The following LARGE1 variants were observed in gnomAD, a reference collection of about 807,000 sequenced individuals.
LARGE1 encodes the protein xylosyl- and glucuronyltransferase LARGE1.
A neutral mutation model predicts 87.6 loss-of-function variants in LARGE1; 43 were observed. The ratio of observed to expected loss-of-function variants is 0.49; its 90% CI spans 0.38 to 0.63. The LOEUF is 0.63. Ranked by LOEUF, LARGE1 falls within the 30% of genes least tolerant of loss-of-function variation. The pLI is 0.00. For missense variants in LARGE1, 802 were observed against 1,000.2 expected, an observed-to-expected ratio of 0.80 and a Z score of 2.67; for synonymous variants, 434 against 394.6, an observed-to-expected ratio of 1.10 and a Z score of -1.18.
At chr22:33,150,337 C>T in the LARGE1 span, among the ~76,000 whole-genome samples, 1 of 152,048 alleles carries the variant, frequency 6.6e-6, no homozygotes, top group Non-Finnish European at 1.5e-5. Context: ...CAGCTGCAAG[C>T]CCCCGATTAA....
At chr22:33,690,725 C>T (rs1189113471) in intron 2 of LARGE1, among the ~76,000 whole-genome samples, 1 of 151,074 alleles carries the variant, frequency 6.6e-6, no homozygotes, top group African/African-American at 2.4e-5. Context: ...TTGACAAAGG[C>T]AGCCAAGGTG....
At chr22:33,189,473 A>ACACACG (rs1923662764) in intron 11 of LARGE1, among the ~76,000 whole-genome samples, 1 of 152,266 alleles carries the variant, frequency 6.6e-6, no homozygotes. Flanking sequence ...TCACACACAC[A>ACACACG]CACACGCACA....
At chr22:33,296,453 C>T (rs554270286) in intron 12 of LARGE1, among the ~76,000 whole-genome samples, 1 of 152,198 alleles carries the variant, frequency 6.6e-6, no homozygotes, top group African/African-American at 2.4e-5. Context: ...TGGTCATGGC[C>T]ATCACGATGA....
At chr22:33,364,860 T>C (rs2064529170) in intron 9 of LARGE1, among the ~76,000 whole-genome samples, 1 of 150,156 alleles carries the variant, frequency 6.7e-6, no homozygotes, top group African/African-American at 2.4e-5. Flanking sequence ...CCATGCCGGC[T>C]AATTTTTTAT....
intron 11 of LARGE1, among the ~76,000 whole-genome samples, chr22:33,195,856 G>A (rs933105666): frequency 2.3e-4 from 34 of 149,834 alleles, no homozygotes; most frequent in Admixed American, 1.1e-3. Flanking sequence ...CCGGGTTCAC[G>A]CTATTCTCCT....
At chr22:33,452,309 G>A (rs375187515) in intron 6 of LARGE1, among the ~76,000 whole-genome samples, 1 of 152,190 alleles carries the variant, frequency 6.6e-6, no homozygotes, top group African/African-American at 2.4e-5. Context: ...AGGACGGGTG[G>A]CCTATGCAGC....
chr22:33,852,319 T>C (rs937816975), intron 1 of LARGE1, among the ~76,000 whole-genome samples: 2 of 152,264 alleles, frequency 1.3e-5, no homozygotes, highest in East Asian at 3.9e-4. Flanking sequence ...AAGTTTTTTT[T>C]TTCCTGCCAT....
intron 12 of LARGE1, among the ~76,000 whole-genome samples, chr22:33,292,630 C>T (rs149615412): frequency 6.6e-6 from 1 of 152,236 alleles, no homozygotes; most frequent in African/African-American, 2.4e-5. Context: ...TCCTCAATTC[C>T]AGCTGTGTGC....
chr22:33,676,438 G>C (rs1357926180), intron 2 of LARGE1, among the ~76,000 whole-genome samples: 1 of 107,178 alleles, frequency 9.3e-6, no homozygotes, highest in Non-Finnish European at 1.9e-5. Flanking sequence ...TAACAATAGT[G>C]ATAGATAACT....
intron 7 of LARGE1, among the ~76,000 whole-genome samples, chr22:33,406,868 C>A (rs571260641): frequency 6.6e-6 from 1 of 152,150 alleles, no homozygotes; most frequent in East Asian, 1.9e-4. Flanking sequence ...TCTTGGCTCA[C>A]TGCAACCTCC....
chr22:33,324,342 C>T (rs1937056976), intron 10 of LARGE1, among the ~76,000 whole-genome samples: 2 of 145,994 alleles, frequency 1.4e-5, no homozygotes, highest in South Asian at 4.4e-4. Context: ...CAAAACCTGC[C>T]TCCTTTTCAC....
At chr22:33,233,270 G>T (rs139339287) in intron 11 of LARGE1, among the ~76,000 whole-genome samples, 2 of 152,190 alleles carry the variant, frequency 1.3e-5, no homozygotes, top group African/African-American at 4.8e-5. Context: ...CCTAGGTGGT[G>T]GTGGTGTTAG....
At chr22:33,553,136 T>C (rs1397686637) in intron 6 of LARGE1, among the ~76,000 whole-genome samples, 3 of 152,136 alleles carry the variant, frequency 2.0e-5, no homozygotes, top group African/African-American at 7.2e-5. Flanking sequence ...CCTTGTATTG[T>C]CTCCTCTGAT....
intron 1 of LARGE1, chr22:33,856,819 G>GC (rs2063768623): frequency 6.6e-6 from 1 of 152,068 alleles, no homozygotes; most frequent in South Asian, 2.1e-4. Context: ...AATAGACAAG[G>GC]CCCCTTTAAG....
intron 11 of LARGE1, among the ~76,000 whole-genome samples, chr22:33,213,562 C>T (rs546411661): frequency 6.6e-6 from 1 of 152,202 alleles, no homozygotes; most frequent in Non-Finnish European, 1.5e-5. Context: ...CCAGCAACCG[C>T]CAACCTGTCA....
intron 6 of LARGE1, among the ~76,000 whole-genome samples, chr22:33,469,807 G>A (rs768558263): frequency 4.3e-5 from 6 of 139,716 alleles, no homozygotes; most frequent in East Asian, 4.5e-4. Context: ...CAGCCTGGGC[G>A]ACAGAGTGAG....
At chr22:33,104,927 C>CTTTCTT in the LARGE1 span, among the ~76,000 whole-genome samples, 3 of 143,432 alleles carry the variant, frequency 2.1e-5, no homozygotes, top group Non-Finnish European at 4.5e-5. Context: ...TTCTTTCTTT[C>CTTTCTT]TTTCTTTCTT....
intron 10 of LARGE1, among the ~76,000 whole-genome samples, chr22:33,317,766 T>A (rs890503748): frequency 6.6e-6 from 1 of 152,102 alleles, no homozygotes; most frequent in African/African-American, 2.4e-5. Flanking sequence ...TGACACAACT[T>A]AGCAAAAAGC....
At chr22:33,774,636 G>A (rs1415594004) in intron 1 of LARGE1, among the ~76,000 whole-genome samples, 1 of 152,202 alleles carries the variant, frequency 6.6e-6, no homozygotes, top group African/African-American at 2.4e-5. Flanking sequence ...GGGATTACAG[G>A]TGTCAGCCAC....
Sources: gnomAD v4.1 joint callset for allele counts (sites outside exome capture counted in the v4.1 genomes callset) on GRCh38, gnomAD v4.1.1 for gene constraint, MANE v1.5 for transcripts, NCBI Gene and HGNC (gene_info 2026-07-23, HGNC 2026-07-21) for gene names.